The following ANKRD44 variants were observed in gnomAD, a reference collection of about 807,000 sequenced individuals.
The protein encoded by ANKRD44 is ankyrin repeat domain 44.
In ANKRD44, 35 loss-of-function variants were observed where a neutral mutation model predicts 116.0. The ratio of observed to expected loss-of-function variants is 0.30; its 90% CI spans 0.23 to 0.40. The LOEUF (loss-of-function observed/expected upper bound fraction) is 0.40, where lower values mean the gene tolerates loss of function less well. ANKRD44 is among the 10% of genes least tolerant of loss of function. The probability of loss-of-function intolerance (pLI) is 1.00; values close to 1 mark genes in which losing one functional copy is unlikely to be tolerated. For missense variants in ANKRD44, 1,014 were observed against 1,242.6 expected (o/e 0.82, Z 2.77); for synonymous variants, 435 against 461.8 (o/e 0.94, Z 0.74).
At chr2:197,247,515 TA>T (rs1442803693) in intron 1 of ANKRD44, among the ~76,000 whole-genome samples, 1 of 152,238 alleles carries the variant, frequency 6.6e-6, no homozygotes, top group East Asian at 1.9e-4. Context: ...CTATATAAAT[TA>T]GGCTTTGTCC....
At chr2:196,969,479 AAACT>A (rs1213355531) in intron 21 of ANKRD44, among the ~76,000 whole-genome samples, 1 of 152,212 alleles carries the variant, frequency 6.6e-6, no homozygotes, top group Non-Finnish European at 1.5e-5. Flanking sequence ...TTTGACAAAC[AAACT>A]GTCGTTTGGT....
intron 27 of ANKRD44, chr2:196,990,177 G>A (rs1239440615): frequency 2.0e-6 from 2 of 985,832 alleles, no homozygotes; most frequent in African/African-American, 1.7e-5. Context: ...ATTATTACAG[G>A]CATTATTTCT....
chr2:197,122,706 C>T lies in ANKRD44; in HGVS notation c.637G>A (p.Ala213Thr), dbSNP rs1344707152. 1.2e-6 allele frequency: 2 copies of T among 1,614,224 alleles called. No individual in the cohort carries two copies. The highest frequency in any genetic ancestry group is 1.1e-5 in the South Asian group (1 of 91,088). ...DKKGYTPLHAAASNGQINVVK... is the reference protein window; with the variant it reads ...DKKGYTPLHATASNGQINVVK... ...ACATTAATCTGTCCATTGGAGGCTGCAGCATGCAGAGGGGTATAACCCTTC... is the reference window on the plus strand; with the variant it reads ...ACATTAATCTGTCCATTGGAGGCTGTAGCATGCAGAGGGGTATAACCCTTC... The change falls in exon 7 of 28, where the codon GCA becomes ACA. Residue 213 changes from alanine to threonine, a missense_variant. Physicochemically the swap from Ala to Thr is moderately conservative, Grantham distance 58 (BLOSUM62 0). Coordinates refer to ENST00000282272, the MANE Select transcript of ANKRD44 (RefSeq NM_001195144.2).
chr2:197,301,259 G>C (rs890515593), intron 1 of ANKRD44: 1 of 152,184 alleles, frequency 6.6e-6, no homozygotes, highest in Non-Finnish European at 1.5e-5. Flanking sequence ...GTGGAGAAGG[G>C]GAGAGCAGAG....
At chr2:197,175,130 A>AG (rs2080334911) in intron 2 of ANKRD44, among the ~76,000 whole-genome samples, 1 of 152,208 alleles carries the variant, frequency 6.6e-6, no homozygotes, top group Non-Finnish European at 1.5e-5. Context: ...AAAGATGAGG[A>AG]GGCAGGATGT....
At chr2:197,229,997 GA>G (rs2081819352) in intron 1 of ANKRD44, among the ~76,000 whole-genome samples, 1 of 152,036 alleles carries the variant, frequency 6.6e-6, no homozygotes, top group African/African-American at 2.4e-5. Flanking sequence ...GATCATCTAG[GA>G]AATAAATACT....
At chr2:197,047,265 C>T (rs1392734776) in intron 16 of ANKRD44, among the ~76,000 whole-genome samples, 1 of 152,130 alleles carries the variant, frequency 6.6e-6, no homozygotes, top group African/African-American at 2.4e-5. Flanking sequence ...AGTGATCCAC[C>T]CGCCTCGGCC....
intron 1 of ANKRD44, among the ~76,000 whole-genome samples, chr2:197,226,799 A>T (rs1298749722): frequency 6.6e-6 from 1 of 152,204 alleles, no homozygotes; most frequent in Non-Finnish European, 1.5e-5. Flanking sequence ...CACATAGGTA[A>T]TTAGGCATGT....
rs183137891 is a variant in ANKRD44, at chr2:197,290,640, C to T, written c.27+19938G>A. Among the ~76,000 whole-genome samples the T allele has an allele frequency of 2.1e-3, 318 of 152,166 alleles. 5 individuals are homozygous for T. Among genetic ancestry groups the T allele is most frequent in the Non-Finnish European group, 1.0e-3 (69 of 67,996 alleles). On this transcript the variant is annotated intron_variant, in intron 1 of 27. Coordinates refer to ENST00000282272, the MANE Select transcript of ANKRD44 (RefSeq NM_001195144.2). Reference sequence around the variant, plus strand: ...ATTCATTCCAAATAAGCATGCTTTACTTTGCATGTATTATTACTAATTTAT... The same window carrying T: ...ATTCATTCCAAATAAGCATGCTTTATTTTGCATGTATTATTACTAATTTAT...
intron 1 of ANKRD44, chr2:197,299,532 CA>C (rs1407405315): frequency 1.3e-5 from 2 of 152,168 alleles, no homozygotes; most frequent in Admixed American, 1.3e-4. Flanking sequence ...GCATTTGCAG[CA>C]ACCTGGATGG....
At chr2:197,075,951 C>T (rs1413322108) in intron 16 of ANKRD44, among the ~76,000 whole-genome samples, 1 of 152,170 alleles carries the variant, frequency 6.6e-6, no homozygotes, top group Non-Finnish European at 1.5e-5. Flanking sequence ...AGACACATTT[C>T]ATCAGCCTCA....
intron 1 of ANKRD44, among the ~76,000 whole-genome samples, chr2:197,229,270 G>A (rs1384341548): frequency 6.6e-6 from 1 of 152,176 alleles, no homozygotes; most frequent in African/African-American, 2.4e-5. Flanking sequence ...TCTTTGCTCT[G>A]TTAAAGTTCT....
At chr2:197,043,051 G>A (rs1181860545) in intron 16 of ANKRD44, among the ~76,000 whole-genome samples, 1 of 152,284 alleles carries the variant, frequency 6.6e-6, no homozygotes, top group East Asian at 1.9e-4. Context: ...GCAGGTGTGA[G>A]AGAAAGGGAT....
At chr2:197,244,785 G>A (rs2082156006) in intron 1 of ANKRD44, among the ~76,000 whole-genome samples, 2 of 152,114 alleles carry the variant, frequency 1.3e-5, no homozygotes, top group African/African-American at 4.8e-5. Flanking sequence ...GTTTAGCTAT[G>A]TATCTCCGTG....
intron 19 of ANKRD44, 34 bp downstream of exon 19, chr2:197,008,896 CTGCTGTGATTGAAA>C (rs1395327710): frequency 6.5e-7 from 1 of 1,529,002 alleles, no homozygotes; most frequent in Non-Finnish European, 9.1e-7. Flanking sequence ...AACCAGGTAG[CTGCTGTGATTGAAA>C]TGTCAACCCA....
chr2:197,016,554 T>C (rs1205431206), intron 17 of ANKRD44, among the ~76,000 whole-genome samples: 2 of 152,228 alleles, frequency 1.3e-5, no homozygotes, highest in Non-Finnish European at 2.9e-5. Context: ...ACTGCTGACT[T>C]ACAGTTTAAA....
chr2:197,231,248 C>T (rs2081854442), intron 1 of ANKRD44, among the ~76,000 whole-genome samples: 1 of 152,048 alleles, frequency 6.6e-6, no homozygotes. Context: ...CATAGCAAGA[C>T]CCCGTCTCTA....
downstream of ANKRD44, among the ~76,000 whole-genome samples, chr2:196,985,493 G>C (rs757436446): frequency 6.6e-6 from 1 of 152,156 alleles, no homozygotes; most frequent in Non-Finnish European, 1.5e-5. Context: ...AAGAAGGGAG[G>C]CAGGGCTGAG....
intron 20 of ANKRD44, 103 bp from the exon 21 acceptor site, chr2:197,006,013 G>A (rs1337098912): frequency 9.7e-7 from 1 of 1,025,934 alleles, no homozygotes. Flanking sequence ...ACATATGCCT[G>A]GGTCTTTAAG....
Sources: allele counts gnomAD v4.1 joint callset (sites outside exome capture counted in the v4.1 genomes callset), GRCh38; gene constraint gnomAD v4.1.1; transcripts MANE v1.5; gene names NCBI Gene and HGNC (gene_info 2026-07-23, HGNC 2026-07-21).